The following TACR1 variants were observed in gnomAD, a reference collection of about 807,000 sequenced individuals.
The protein encoded by TACR1 is substance-P receptor.
TACR1 carries 25 observed loss-of-function variants against 35.8 expected under a neutral mutation model. That is an observed-to-expected ratio of 0.70 (90% CI 0.51 to 0.98). TACR1 has a LOEUF of 0.98. TACR1 is among the 50% of genes least tolerant of loss of function. TACR1 has a pLI of 0.00. For synonymous variants in TACR1, 195 were observed against 206.7 expected (o/e 0.94, Z 0.48); for missense variants, 478 against 522.9 (o/e 0.91, Z 0.84).
intron 2 of TACR1, among the ~76,000 whole-genome samples, chr2:75,106,779 T>C (rs1558555172): frequency 1.3e-5 from 2 of 151,824 alleles, no homozygotes; most frequent in Admixed American, 6.6e-5. Flanking sequence ...AAATAAAACA[T>C]ATGTATCTTT....
intron 2 of TACR1, among the ~76,000 whole-genome samples, chr2:75,110,449 A>G (rs951460839): frequency 5.3e-5 from 8 of 152,080 alleles, no homozygotes; most frequent in Non-Finnish European, 7.4e-5. Context: ...TAGATGACCT[A>G]TAATTCCACA....
Position 75,077,370 on chromosome 2 carries a change from T to C in TACR1, c.585-23615A>G, listed in dbSNP as rs185334479. Among the ~76,000 whole-genome samples, 10 of 152,346 alleles carry C rather than the reference T, an allele frequency of 6.6e-5. 1 individual carries two copies. The highest frequency in any genetic ancestry group is 4.2e-4 in the South Asian group (2 of 4,816). On this transcript the variant is annotated intron_variant, in intron 2 of 4. Transcript: ENST00000305249. ...TCTTTTAAAACTAAGGACTGCACTG[T>C]TTGTACTATAACCACCTTCTCCAGT...
intron 2 of TACR1, among the ~76,000 whole-genome samples, chr2:75,118,583 C>T (rs1673907811): frequency 6.6e-6 from 1 of 152,150 alleles, no homozygotes; most frequent in African/African-American, 2.4e-5. Flanking sequence ...AATTAAGACT[C>T]CCCCAAAATA....
intron 2 of TACR1, among the ~76,000 whole-genome samples, chr2:75,071,298 C>T (rs1338438388): frequency 6.6e-6 from 1 of 152,254 alleles, no homozygotes; most frequent in Non-Finnish European, 1.5e-5. Context: ...CTGGGCCCAA[C>T]TCTTGCCAAT....
At chr2:75,140,209 T>A (rs1674375229) in intron 1 of TACR1, among the ~76,000 whole-genome samples, 1 of 152,030 alleles carries the variant, frequency 6.6e-6, no homozygotes, top group Admixed American at 6.6e-5. Context: ...TAGACAGTAT[T>A]TTTAGGGGTA....
intron 1 of TACR1, among the ~76,000 whole-genome samples, chr2:75,131,620 G>T (rs998065972): frequency 6.6e-6 from 1 of 152,184 alleles, no homozygotes; most frequent in Admixed American, 6.5e-5. Flanking sequence ...CACATAATTT[G>T]CAACTATGTA....
At chr2:75,085,890 A>G (rs1366694883) in intron 2 of TACR1, among the ~76,000 whole-genome samples, 1 of 152,120 alleles carries the variant, frequency 6.6e-6, no homozygotes, top group Non-Finnish European at 1.5e-5. Flanking sequence ...GGAATTCTTT[A>G]TGTACACCAC....
At chr2:75,120,104 G>A (rs6734248) in intron 2 of TACR1, among the ~76,000 whole-genome samples, 98,577 of 151,834 alleles carry the variant, frequency 0.65, 32,270 homozygotes, top group Middle Eastern at 0.71. Flanking sequence ...GCAAGTTTAT[G>A]AAGAAGGTAA....
intron 2 of TACR1, chr2:75,090,935 C>G (rs1164820825): frequency 6.5e-6 from 1 of 153,134 alleles, no homozygotes; most frequent in Non-Finnish European, 1.5e-5. Flanking sequence ...TCAGACTGGT[C>G]TGTTCTTAGT....
chr2:75,152,511 C>G (rs776436004), intron 1 of TACR1, among the ~76,000 whole-genome samples: 3 of 152,144 alleles, frequency 2.0e-5, no homozygotes, highest in Non-Finnish European at 4.4e-5. Context: ...GTCTCCTAGC[C>G]ATGTGGAGCT....
intron 1 of TACR1, among the ~76,000 whole-genome samples, chr2:75,124,349 G>C (rs1674031213): frequency 6.6e-6 from 1 of 152,182 alleles, no homozygotes; most frequent in African/African-American, 2.4e-5. Flanking sequence ...TGCTATACCA[G>C]TCCCAAATCA....
intron 2 of TACR1, chr2:75,119,016 CTG>C (rs984251260): frequency 2.0e-5 from 3 of 152,218 alleles, no homozygotes; most frequent in African/African-American, 7.2e-5. Flanking sequence ...ATCCCACTGT[CTG>C]TGTCTGGAAG....
chr2:75,172,647 A>T (rs1019268587), intron 1 of TACR1, among the ~76,000 whole-genome samples: 1 of 152,116 alleles, frequency 6.6e-6, no homozygotes, highest in Non-Finnish European at 1.5e-5. Flanking sequence ...AATGGAACGA[A>T]TATATTCTTC....
chr2:75,055,864 T>C (rs1010357865), intron 2 of TACR1, among the ~76,000 whole-genome samples: 1 of 152,188 alleles, frequency 6.6e-6, no homozygotes, highest in Non-Finnish European at 1.5e-5. Context: ...AGAATTTGCA[T>C]TTCTAACAAG....
intron 2 of TACR1, among the ~76,000 whole-genome samples, chr2:75,080,930 T>C: frequency 6.6e-6 from 1 of 151,752 alleles, no homozygotes; most frequent in South Asian, 2.1e-4. Context: ...AAGCCGTGGG[T>C]AGAAATTAGA....
intron 2 of TACR1, among the ~76,000 whole-genome samples, chr2:75,089,668 C>T (rs1673266543): frequency 6.6e-6 from 1 of 152,120 alleles, no homozygotes; most frequent in Non-Finnish European, 1.5e-5. Flanking sequence ...GCCATGTGGA[C>T]ACATTGCTGA....
At chr2:75,162,550 A>G (rs990021676) in intron 1 of TACR1, among the ~76,000 whole-genome samples, 2 of 152,266 alleles carry the variant, frequency 1.3e-5, no homozygotes, top group African/African-American at 4.8e-5. Context: ...AGCTCCAGCT[A>G]GAAGTGAAAA....
At chr2:75,126,700 C>G (rs963422793) in intron 1 of TACR1, among the ~76,000 whole-genome samples, 5 of 152,190 alleles carry the variant, frequency 3.3e-5, no homozygotes, top group African/African-American at 1.2e-4. Flanking sequence ...ACAGAGCATA[C>G]AGACAGCCTA....
chr2:75,166,017 G>T (rs1430953886), intron 1 of TACR1, among the ~76,000 whole-genome samples: 1 of 152,198 alleles, frequency 6.6e-6, no homozygotes, highest in African/African-American at 2.4e-5. Context: ...TAATTAAAAA[G>T]TCATGCAAAT....
Sources: gnomAD v4.1 joint callset for allele counts (sites outside exome capture counted in the v4.1 genomes callset) on GRCh38, gnomAD v4.1.1 for gene constraint, MANE v1.5 for transcripts, NCBI Gene and HGNC (gene_info 2026-07-23, HGNC 2026-07-21) for gene names.